The following PXDNL variants were observed in gnomAD, a reference collection of about 807,000 sequenced individuals.
PXDNL encodes probable oxidoreductase PXDNL.
In PXDNL, 145 loss-of-function variants were observed where a neutral mutation model predicts 150.8. That is an observed-to-expected ratio of 0.96 (90% CI 0.84 to 1.10). The LOEUF (loss-of-function observed/expected upper bound fraction) is 1.10, where lower values mean the gene tolerates loss of function less well. PXDNL is among the 50% of genes least tolerant of loss of function. The pLI is 0.00. For synonymous variants in PXDNL, 757 were observed against 725.7 expected, an observed-to-expected ratio of 1.04 and a Z score of -0.69; for missense variants, 2,087 against 1,873.9, an observed-to-expected ratio of 1.11 and a Z score of -2.10.
chr8:51,760,325 A>T (rs913776769), intron 1 of PXDNL, among the ~76,000 whole-genome samples: 2 of 152,172 alleles, frequency 1.3e-5, no homozygotes, highest in African/African-American at 4.8e-5. Context: ...GAGGTTAGTA[A>T]AGCTCACAAA....
At chr8:51,404,418 TC>T (rs1808375153) in intron 17 of PXDNL, among the ~76,000 whole-genome samples, 2 of 146,628 alleles carry the variant, frequency 1.4e-5, no homozygotes, top group Admixed American at 6.6e-5. Context: ...GCATTTATAA[TC>T]CCCTAGCTAG....
chr8:51,686,519 C>T lies in PXDNL; in HGVS notation c.165-31759G>A, dbSNP rs560510024. On this transcript the variant is annotated intron_variant, in intron 1 of 22. Coordinates refer to ENST00000356297, the MANE Select transcript of PXDNL (RefSeq NM_144651.5). ...AATTTAATAAGTCCTACTTGACTAG[C>T]AGGCTCCCAGACCAGTATTTGCAGC... is the stretch of plus-strand genomic sequence containing the variant. 1.4e-4 allele frequency among the ~76,000 whole-genome samples: 21 copies of T among 152,340 alleles called. No homozygotes were observed. In the South Asian group the frequency reaches 3.5e-3, roughly 26 times the overall value.
At chr8:51,537,087 G>A (rs1461336434) in intron 4 of PXDNL, among the ~76,000 whole-genome samples, 1 of 152,186 alleles carries the variant, frequency 6.6e-6, no homozygotes, top group Admixed American at 6.5e-5. Flanking sequence ...TCCCAGATAA[G>A]ACTCGGATAG....
intron 13 of PXDNL, among the ~76,000 whole-genome samples, chr8:51,426,056 T>C (rs1031478171): frequency 1.4e-4 from 22 of 152,210 alleles, no homozygotes; most frequent in Non-Finnish European, 2.5e-4. Flanking sequence ...GTGTGCAAAT[T>C]TGTAGATTTT....
At chr8:51,801,763 T>C (rs968805907) in intron 1 of PXDNL, among the ~76,000 whole-genome samples, 2 of 152,212 alleles carry the variant, frequency 1.3e-5, no homozygotes, top group African/African-American at 4.8e-5. Context: ...TCTAATTGTA[T>C]TGTGGCTGGA....
At chr8:51,600,984 A>G (rs937541512) in intron 2 of PXDNL, among the ~76,000 whole-genome samples, 2 of 145,606 alleles carry the variant, frequency 1.4e-5, no homozygotes, top group South Asian at 4.2e-4. Context: ...ATAATTAATT[A>G]TATCTTATAT....
chr8:51,735,536 T>TGG lies in PXDNL; in HGVS notation c.164+73644_164+73645insCC, dbSNP rs1382207114. Among the ~76,000 whole-genome samples the TGG allele has an allele frequency of 2.8e-3, 321 of 115,094 alleles. 13 individuals are homozygous for TGG. The highest frequency in any genetic ancestry group is 4.8e-3 in the Non-Finnish European group (276 of 57,106). 75.5% of individuals were successfully genotyped at this position (115,094 alleles called of 152,430 possible). A position where few individuals can be genotyped will look rare whatever the true frequency, so the allele number is the denominator to read the frequency against. Reference sequence around the variant, plus strand: ...AATTAATTAAAAATTGTTTTTTTTTTTTTTTTTTTTTTTTTTTTTTTTTTT... The same window carrying TGG: ...AATTAATTAAAAATTGTTTTTTTTTTGGTTTTTTTTTTTTTTTTTTTTTTTTT... On this transcript the variant is annotated intron_variant, in intron 1 of 22. Transcript: ENST00000356297.
At chr8:51,573,801 T>C (rs1229013283) in intron 3 of PXDNL, among the ~76,000 whole-genome samples, 6 of 152,020 alleles carry the variant, frequency 3.9e-5, no homozygotes, top group Non-Finnish European at 8.8e-5. Flanking sequence ...CCTCAGAATG[T>C]GACTGTATTT....
chr8:51,540,806 G>A lies in PXDNL; in HGVS notation c.380+16034C>T, dbSNP rs188693228. On this transcript the variant is annotated intron_variant, in intron 4 of 22. Coordinates refer to ENST00000356297, the MANE Select transcript of PXDNL (RefSeq NM_144651.5). ...TTCTATCAGTTACTAAAAGAGGAGC[G>A]TGGAATTTGTTTATTTCTTTTTTCA... 2.7e-3 allele frequency among the ~76,000 whole-genome samples: 408 copies of A among 152,204 alleles called. 1 individual carries two copies. The highest frequency in any genetic ancestry group is 2.3e-3 in the Admixed American group (35 of 15,298).
At chr8:51,484,435 G>GAGA (rs1554545161) in intron 5 of PXDNL, among the ~76,000 whole-genome samples, 4 of 137,144 alleles carry the variant, frequency 2.9e-5, no homozygotes, top group African/African-American at 8.2e-5. Flanking sequence ...ACTCTGTCTC[G>GAGA]AAAAAAAAAA....
chr8:51,554,892 G>T (rs1175670787), intron 4 of PXDNL, among the ~76,000 whole-genome samples: 1 of 152,086 alleles, frequency 6.6e-6, no homozygotes, highest in African/African-American at 2.4e-5. Context: ...CGCCAGAACT[G>T]CCCTTAATGA....
intron 3 of PXDNL, among the ~76,000 whole-genome samples, chr8:51,560,939 CA>C (rs34861614): frequency 0.18 from 27,009 of 146,378 alleles, 2,970 homozygotes; most frequent in African/African-American, 0.3. Context: ...CAACAACAAC[CA>C]AAAAAAAAAA....
intron 4 of PXDNL, among the ~76,000 whole-genome samples, chr8:51,523,927 A>G (rs1811712514): frequency 6.6e-6 from 1 of 152,236 alleles, no homozygotes; most frequent in Non-Finnish European, 1.5e-5. Context: ...GAAAATCTCC[A>G]TGATGTTTAA....
At chr8:51,536,878 C>G (rs1284543518) in intron 4 of PXDNL, among the ~76,000 whole-genome samples, 2 of 152,156 alleles carry the variant, frequency 1.3e-5, no homozygotes, top group Non-Finnish European at 2.9e-5. Context: ...AAGAAGATGA[C>G]ATTTTCACGA....
chr8:51,609,467 G>A (rs1813949352), intron 2 of PXDNL, among the ~76,000 whole-genome samples: 1 of 152,174 alleles, frequency 6.6e-6, no homozygotes, highest in Admixed American at 6.5e-5. Context: ...ATAATTCCAT[G>A]TTGGGAGGGG....
intron 1 of PXDNL, among the ~76,000 whole-genome samples, chr8:51,684,662 A>G (rs1190578637): frequency 1.3e-5 from 2 of 152,246 alleles, no homozygotes; most frequent in African/African-American, 4.8e-5. Context: ...TGACTTAATT[A>G]CATGAGCTCT....
At chr8:51,628,350 T>TTTCTTTTCTTTCTTTCC (rs1814407424) in intron 2 of PXDNL, among the ~76,000 whole-genome samples, 1 of 151,062 alleles carries the variant, frequency 6.6e-6, no homozygotes, top group Non-Finnish European at 1.5e-5. Context: ...TCTTTCTTTC[T>TTTCTTTTCTTTCTTTCC]TTCTTTTCTT....
intron 1 of PXDNL, among the ~76,000 whole-genome samples, chr8:51,734,858 A>G (rs922084350): frequency 2.0e-5 from 3 of 152,236 alleles, no homozygotes; most frequent in African/African-American, 7.2e-5. Flanking sequence ...AGGTCTTGGA[A>G]GTCTCAGGTT....
chr8:51,405,006 T>C (rs1808395654), intron 17 of PXDNL, among the ~76,000 whole-genome samples: 1 of 152,098 alleles, frequency 6.6e-6, no homozygotes, highest in Admixed American at 6.5e-5. Context: ...GAATTCGAGC[T>C]CAGCACCGGG....
Sources: allele counts gnomAD v4.1 joint callset (sites outside exome capture counted in the v4.1 genomes callset), GRCh38; gene constraint gnomAD v4.1.1; transcripts MANE v1.5; gene names NCBI Gene and HGNC (gene_info 2026-07-23, HGNC 2026-07-21).